The following FAF1 variants were observed in gnomAD, a reference collection of about 807,000 sequenced individuals.
FAF1 encodes the protein FAS-associated factor 1.
A neutral mutation model predicts 92.5 loss-of-function variants in FAF1; 25 were observed. That is an observed-to-expected ratio of 0.27 (90% CI 0.20 to 0.38). The LOEUF (loss-of-function observed/expected upper bound fraction) is 0.38. Ranked by LOEUF, FAF1 falls within the 10% of genes least tolerant of loss-of-function variation. The pLI, the probability that FAF1 is intolerant of heterozygous loss-of-function variation, is 1.00. For synonymous variants in FAF1, 234 were observed against 273.2 expected (o/e 0.86, Z 1.42); for missense variants, 636 against 793.3 (o/e 0.80, Z 2.38).
chr1:50,789,286 T>G (rs1661480959), intron 3 of FAF1, among the ~76,000 whole-genome samples: 1 of 152,218 alleles, frequency 6.6e-6, no homozygotes, highest in Admixed American at 6.5e-5. Flanking sequence ...ATCCTGGCTC[T>G]ACCCACTTAA....
At chr1:50,747,353 T>C (rs1387047626) in intron 4 of FAF1, among the ~76,000 whole-genome samples, 1 of 152,210 alleles carries the variant, frequency 6.6e-6, no homozygotes, top group Non-Finnish European at 1.5e-5. Flanking sequence ...ACCCTGGATA[T>C]GAGACATGGA....
chr1:50,765,953 G>T (rs557630250), intron 4 of FAF1, among the ~76,000 whole-genome samples: 12 of 152,174 alleles, frequency 7.9e-5, no homozygotes, highest in African/African-American at 2.6e-4. Context: ...TTAGCTGGGC[G>T]TGGTAGCGGG....
intron 7 of FAF1, among the ~76,000 whole-genome samples, chr1:50,692,122 G>A (rs766132506): frequency 2.2e-4 from 33 of 152,066 alleles, no homozygotes; most frequent in Non-Finnish European, 3.4e-4. Context: ...TGGCTGAGAT[G>A]GGAGGATCAA....
At chr1:50,637,681 ATGTGTGTGTGTGTGTG>A (rs142201244) in intron 8 of FAF1, among the ~76,000 whole-genome samples, 1 of 137,096 alleles carries the variant, frequency 7.3e-6, no homozygotes, top group African/African-American at 2.8e-5. Context: ...ACATATATAT[ATGTGTGTGTGTGTGTG>A]TGTGTGTGTG....
Position 50,959,324 on chromosome 1 carries a change from G to A in FAF1, c.45+443C>T, listed in dbSNP as rs77408134. Among the ~76,000 whole-genome samples, 1,499 of 152,074 alleles carry A rather than the reference G, an allele frequency of 9.9e-3. 23 individuals are homozygous for A. Among genetic ancestry groups the A allele is most frequent in the East Asian group, 0.065 (335 of 5,162 alleles). ...ATTGCCCTCGCCATCTCATCATTCT[G>A]CTTTTTTACTCTTCCCTTAATACAA... On this transcript the variant is annotated intron_variant, in intron 1 of 18. Coordinates refer to ENST00000396153, the MANE Select transcript of FAF1 (RefSeq NM_007051.3).
intron 1 of FAF1, among the ~76,000 whole-genome samples, chr1:50,898,336 C>A (rs1644772138): frequency 6.6e-6 from 1 of 152,012 alleles, no homozygotes; most frequent in South Asian, 2.1e-4. Context: ...ACAACAACAA[C>A]AACAAAAAAC....
intron 4 of FAF1, among the ~76,000 whole-genome samples, chr1:50,766,064 C>A (rs1660559139): frequency 6.6e-6 from 1 of 152,078 alleles, no homozygotes; most frequent in Non-Finnish European, 1.5e-5. Context: ...TGCACTCCAG[C>A]CTGGGCGACA....
At position 50,759,398 on chromosome 1, in the gene FAF1, A is replaced by G. The variant is rs573466548; in HGVS notation, c.368-14623T>C. Among the ~76,000 whole-genome samples the G allele has an allele frequency of 3.0e-3, 442 of 147,534 alleles. 4 individuals carry two copies. Among genetic ancestry groups the G allele is most frequent in the African/African-American group, 0.01 (411 of 39,954 alleles). On this transcript the variant is annotated intron_variant, in intron 4 of 18. Transcript: ENST00000396153. ...TTCCCACCTATGAGTGAGAATATGC[A>G]GTGTTTGGTTTTTTGTTCTTGTGAT...
chr1:50,552,663 C>A (rs1649367706), intron 13 of FAF1, among the ~76,000 whole-genome samples: 1 of 152,070 alleles, frequency 6.6e-6, no homozygotes, highest in Non-Finnish European at 1.5e-5. Context: ...GTTCATCAGA[C>A]CTTTCTGAAG....
At chr1:50,807,682 G>C (rs1170775001) in intron 2 of FAF1, among the ~76,000 whole-genome samples, 2 of 152,088 alleles carry the variant, frequency 1.3e-5, no homozygotes, top group African/African-American at 4.8e-5. Flanking sequence ...AGAGTCTGAA[G>C]ACCAGTTCTC....
intron 2 of FAF1, among the ~76,000 whole-genome samples, chr1:50,803,146 C>T (rs1662063626): frequency 6.6e-6 from 1 of 152,162 alleles, no homozygotes; most frequent in Non-Finnish European, 1.5e-5. Context: ...TATTTCTGCC[C>T]AGTATCAAGT....
intron 15 of FAF1, among the ~76,000 whole-genome samples, chr1:50,519,166 C>G (rs926455695): frequency 6.6e-6 from 1 of 152,078 alleles, no homozygotes; most frequent in African/African-American, 2.4e-5. Flanking sequence ...CCTGTCTCTA[C>G]TAAAAATACA....
intron 13 of FAF1, among the ~76,000 whole-genome samples, chr1:50,545,959 G>A (rs1300396101): frequency 1.3e-5 from 2 of 152,182 alleles, no homozygotes; most frequent in African/African-American, 4.8e-5. Flanking sequence ...CTTAAGCCCA[G>A]GAGTTGAAGA....
chr1:50,568,829 A>G (rs1270670744), intron 12 of FAF1, among the ~76,000 whole-genome samples: 1 of 152,184 alleles, frequency 6.6e-6, no homozygotes, highest in East Asian at 1.9e-4. Context: ...GCACTCATAT[A>G]ACATGAAGAT....
intron 17 of FAF1, 148 bp downstream of exon 17, chr1:50,490,438 AGG>A (rs765847477): frequency 0.07 from 38,612 of 555,048 alleles, 3,436 homozygotes; most frequent in Non-Finnish European, 0.088. Flanking sequence ...GAAGGAAGGA[AGG>A]AAGGAAGGAA....
At chr1:50,822,536 G>A (rs1644052372) in intron 2 of FAF1, among the ~76,000 whole-genome samples, 1 of 152,082 alleles carries the variant, frequency 6.6e-6, no homozygotes, top group Admixed American at 6.6e-5. Flanking sequence ...GCCCCACTCT[G>A]GGTAACACAG....
intron 1 of FAF1, among the ~76,000 whole-genome samples, chr1:50,869,992 G>A (rs1644513907): frequency 6.6e-6 from 1 of 152,094 alleles, no homozygotes; most frequent in Admixed American, 6.5e-5. Context: ...GCATTATGAT[G>A]GTATCCTTAT....
At chr1:50,637,746 T>C (rs552960793) in intron 8 of FAF1, among the ~76,000 whole-genome samples, 2 of 151,016 alleles carry the variant, frequency 1.3e-5, no homozygotes, top group East Asian at 2.0e-4. Context: ...TATATACACA[T>C]ATATATATAG....
At chr1:50,668,492 C>T (rs952523894) in intron 7 of FAF1, among the ~76,000 whole-genome samples, 15 of 152,216 alleles carry the variant, frequency 9.9e-5, no homozygotes, top group African/African-American at 3.6e-4. Flanking sequence ...AGAAAAGTAG[C>T]TGCCTTGGCC....
Sources: allele counts gnomAD v4.1 joint callset (sites outside exome capture counted in the v4.1 genomes callset), GRCh38; gene constraint gnomAD v4.1.1; transcripts MANE v1.5; gene names NCBI Gene and HGNC (gene_info 2026-07-23, HGNC 2026-07-21).